Variants in ATG7 observed in about 807,000 individuals in gnomAD.
The protein encoded by ATG7 is autophagy related 7.
Under a neutral mutation model 82.4 loss-of-function variants are expected in ATG7, and 70 were observed. The ratio of observed to expected loss-of-function variants is 0.85; its 90% CI spans 0.70 to 1.04. ATG7 has a LOEUF of 1.04. Among genes scored for constraint, ATG7 ranks in the 50% least tolerant of loss-of-function variants. The pLI is 0.00. For missense variants in ATG7, 792 were observed against 864.3 expected, an observed-to-expected ratio of 0.92 and a Z score of 1.05; for synonymous variants, 287 against 313.0, an observed-to-expected ratio of 0.92 and a Z score of 0.88.
chr3:11,551,768 A>C (rs948797532), intron 20 of ATG7, among the ~76,000 whole-genome samples: 1 of 148,164 alleles, frequency 6.7e-6, no homozygotes. Flanking sequence ...TTTTTTCTCG[A>C]GGCAGGGTCT....
intron 19 of ATG7, among the ~76,000 whole-genome samples, chr3:11,410,055 G>A (rs1158069790): frequency 6.6e-6 from 1 of 152,008 alleles, no homozygotes; most frequent in Non-Finnish European, 1.5e-5. Flanking sequence ...TGGGTCTTTT[G>A]CCTCCCTACA....
intron 20 of ATG7, among the ~76,000 whole-genome samples, chr3:11,438,555 G>A (rs1196786120): frequency 1.3e-5 from 2 of 150,488 alleles, no homozygotes; most frequent in African/African-American, 4.9e-5. Context: ...GACAGAGGGA[G>A]ACCTTGTCTT....
intron 18 of ATG7, among the ~76,000 whole-genome samples, chr3:11,376,946 A>C (rs973342608): frequency 3.9e-5 from 6 of 152,094 alleles, no homozygotes; most frequent in African/African-American, 1.4e-4. Flanking sequence ...TCACCGTGTT[A>C]GCCAGGATGG....
chr3:11,574,085 C>T, the ATG7 span, among the ~76,000 whole-genome samples: 1 of 152,154 alleles, frequency 6.6e-6, no homozygotes, highest in Non-Finnish European at 1.5e-5. Context: ...AGCAGCCAGC[C>T]CTGCTGACAC....
chr3:11,308,871 G>T (rs373399299), intron 6 of ATG7, 113 bp from the exon 7 acceptor site: 2 of 951,520 alleles, frequency 2.1e-6, no homozygotes, highest in East Asian at 2.4e-5. Flanking sequence ...GGTAAGTGGT[G>T]CTGGGCCTGT....
At chr3:11,361,217 G>T (rs1302947315) in intron 16 of ATG7, among the ~76,000 whole-genome samples, 1 of 151,926 alleles carries the variant, frequency 6.6e-6, no homozygotes, top group Non-Finnish European at 1.5e-5. Flanking sequence ...TGATGTGTAG[G>T]CTTGTCAGAT....
chr3:11,574,772 A>C, the ATG7 span, among the ~76,000 whole-genome samples: 4 of 137,970 alleles, frequency 2.9e-5, no homozygotes, highest in Admixed American at 2.9e-4. Context: ...AATTACTGTC[A>C]ATTCAACTAT....
rs1183097735 is a variant in ATG7, at chr3:11,331,414, A to G, written c.753A>G (p.Leu251=). Residue 251 remains leucine, a synonymous_variant, in exon 10 of 21, where the codon CTA becomes CTG. Coordinates refer to ENST00000693202, the MANE Select transcript of ATG7 (RefSeq NM_001349232.2). ...GGCCTTTGAGGAATTTTTTGGTCCT[A>G]GCAGCCCACAGATGGTATTTACAAG... is the stretch of plus-strand genomic sequence containing the variant. ...PGWPLRNFLV[L]AAHRWSSSFQ... is the part of the protein sequence containing the mutation. 6.2e-7 allele frequency: 1 copy of G among 1,605,178 alleles called. No homozygotes were observed. The highest frequency in any genetic ancestry group is 2.2e-5 in the East Asian group (1 of 44,832).
intron 14 of ATG7, among the ~76,000 whole-genome samples, chr3:11,352,029 G>A (rs1222032191): frequency 7.3e-6 from 1 of 137,122 alleles, no homozygotes; most frequent in Non-Finnish European, 1.5e-5. Flanking sequence ...AGGCACTTGT[G>A]TGTGATGTTC....
At position 11,426,831 on chromosome 3, in the gene ATG7, T is replaced by G. The variant is rs1449744573; in HGVS notation, c.1984T>G (p.Phe662Val). The part of the protein sequence containing the change: ...KVLDQYEREG[F>V]NFLAKVFNSS... ...TCTTGATCAATATGAACGAGAAGGA[T>G]TTAACTTCCTAGCCAAGGTGTTTAA... Residue 662 changes from phenylalanine (F) to valine (V), a missense_variant, in exon 20 of 21, where the codon TTT becomes GTT. Transcript: ENST00000693202. The G allele has an allele frequency of 6.2e-7, 1 of 1,610,428 alleles. No individual in the cohort carries two copies. Among genetic ancestry groups the G allele is most frequent in the African/African-American group, 1.3e-5 (1 of 74,728 alleles).
chr3:11,371,146 C>G (rs7624086), intron 18 of ATG7, among the ~76,000 whole-genome samples: 79,541 of 150,758 alleles, frequency 0.53, 23,043 homozygotes, highest in East Asian at 0.69. Flanking sequence ...TCTCCTCCCT[C>G]CATTCTCTGG....
chr3:11,366,360 A>C (rs2076609709), intron 18 of ATG7, among the ~76,000 whole-genome samples: 1 of 152,124 alleles, frequency 6.6e-6, no homozygotes, highest in Non-Finnish European at 1.5e-5. Context: ...AAACACTATG[A>C]AAATGTGCCC....
At chr3:11,568,770 C>T in the ATG7 span, 1 of 1,495,246 alleles carries the variant, frequency 6.7e-7, no homozygotes, top group African/African-American at 1.4e-5. This position sits in a 1 kb window ranked among gnomAD's most constrained non-coding sequence, Gnocchi z 5.9. Flanking sequence ...GAAGTCGCCT[C>T]CGCTCCTGGT....
chr3:11,566,276 A>C, the ATG7 span, among the ~76,000 whole-genome samples: 4 of 152,222 alleles, frequency 2.6e-5, no homozygotes, highest in Admixed American at 6.5e-5. Context: ...AAAACTGTAG[A>C]TTAACTTCAG....
intron 20 of ATG7, among the ~76,000 whole-genome samples, chr3:11,440,127 A>G (rs2083745236): frequency 6.6e-6 from 1 of 152,114 alleles, no homozygotes; most frequent in Non-Finnish European, 1.5e-5. Context: ...GTGTCCTTAC[A>G]ACTACTTCTC....
chr3:11,328,998 G>A (rs1181839434), intron 9 of ATG7, among the ~76,000 whole-genome samples: 2 of 152,326 alleles, frequency 1.3e-5, no homozygotes, highest in Admixed American at 1.3e-4. Flanking sequence ...AGAGGCTGAG[G>A]CACTAGAATT....
intron 19 of ATG7, among the ~76,000 whole-genome samples, chr3:11,411,426 C>CCAA (rs1559563155): frequency 6.6e-6 from 1 of 151,868 alleles, no homozygotes; most frequent in Non-Finnish European, 1.5e-5. Context: ...GAGATGGAGA[C>CCAA]CATCCTGGCC....
At chr3:11,575,878 C>T in the ATG7 span, among the ~76,000 whole-genome samples, 9 of 152,350 alleles carry the variant, frequency 5.9e-5, no homozygotes, top group Admixed American at 4.6e-4. Context: ...TGTGTGCAGG[C>T]TTTCCAGACC....
intron 20 of ATG7, among the ~76,000 whole-genome samples, chr3:11,447,759 C>T (rs1034595966): frequency 6.6e-6 from 1 of 152,170 alleles, no homozygotes; most frequent in Non-Finnish European, 1.5e-5. Context: ...GCCTGGGTCA[C>T]ATGCCATCTC....
Sources: gnomAD v4.1 joint callset for allele counts (sites outside exome capture counted in the v4.1 genomes callset) on GRCh38, gnomAD v4.1.1 for gene constraint, Gnocchi (gnomAD v3.1) non-coding constraint, MANE v1.5 for transcripts, NCBI Gene and HGNC (gene_info 2026-07-23, HGNC 2026-07-21) for gene names.